Variants in DMD observed in about 807,000 individuals in gnomAD.
The protein encoded by DMD is dystrophin.
Under a neutral mutation model 330.1 loss-of-function variants are expected in DMD, and 63 were observed. The observed-to-expected ratio is 0.19, with a 90% CI of 0.16 to 0.24. The LOEUF (loss-of-function observed/expected upper bound fraction) is 0.24. DMD is among the 10% of genes least tolerant of loss of function. DMD has a pLI of 1.00. For synonymous variants in DMD, 1,223 were observed against 959.8 expected, an observed-to-expected ratio of 1.27 and a Z score of -5.07; for missense variants, 3,344 against 2,684.1, an observed-to-expected ratio of 1.25 and a Z score of -5.43.
intron 57 of DMD, among the ~76,000 whole-genome samples, chrX:31,480,554 TTGTGTGTGTGTGTGTGTGTGTG>T (rs60621342): frequency 1.1e-5 from 1 of 91,336 alleles, no homozygotes; most frequent in Non-Finnish European, 2.2e-5. Context: ...ATCTCCATGT[TTGTGTGTGTGTGTGTGTGTGTG>T]TGTGTGTGTG....
At chrX:32,940,527 T>G (rs755266504) in intron 2 of DMD, among the ~76,000 whole-genome samples, 2 of 111,627 alleles carry the variant, frequency 1.8e-5, no homozygotes, top group South Asian at 7.5e-4. Context: ...TGCAGCCATA[T>G]GATTTTCAAC....
At chrX:33,116,473 A>T (rs936961819) in intron 1 of DMD, among the ~76,000 whole-genome samples, 2 of 110,714 alleles carry the variant, frequency 1.8e-5, no homozygotes, top group East Asian at 5.7e-4. Flanking sequence ...CGACCACTGC[A>T]CTCCATCCTG....
chrX:33,217,804 T>C (rs2052085594), intron 1 of DMD, among the ~76,000 whole-genome samples: 1 of 111,477 alleles, frequency 9.0e-6, no homozygotes. Context: ...TCCTAAGACC[T>C]TAACAAACTC....
chrX:32,520,470 A>T (rs761984581), intron 17 of DMD, among the ~76,000 whole-genome samples: 1 of 111,951 alleles, frequency 8.9e-6, no homozygotes, highest in East Asian at 2.8e-4. Flanking sequence ...ATTTGCCAGT[A>T]TATTGGACAG....
At chrX:31,202,906 C>T (rs957318719) in intron 67 of DMD, among the ~76,000 whole-genome samples, 21 of 112,491 alleles carry the variant, frequency 1.9e-4, no homozygotes, top group African/African-American at 6.1e-4. Context: ...GGCAATCACA[C>T]GCCTGAGAAT....
chrX:33,064,910 A>C (rs2094632002), intron 1 of DMD, among the ~76,000 whole-genome samples: 1 of 111,434 alleles, frequency 9.0e-6, no homozygotes, highest in Admixed American at 9.7e-5. Context: ...ATAATAAAAT[A>C]AAATAAAATA....
At chrX:32,629,595 C>T (rs2058598803) in intron 11 of DMD, among the ~76,000 whole-genome samples, 1 of 110,008 alleles carries the variant, frequency 9.1e-6, no homozygotes, top group East Asian at 2.8e-4. Flanking sequence ...GTGGCCTTCT[C>T]TTCATTCTCT....
intron 1 of DMD, among the ~76,000 whole-genome samples, chrX:33,139,660 C>A (rs769070326): frequency 9.1e-6 from 1 of 109,455 alleles, no homozygotes; most frequent in African/African-American, 3.3e-5. Context: ...CATGTTCCTG[C>A]CCTGGCCACA....
At chrX:33,332,192 C>G (rs2054189859) in intron 1 of DMD, among the ~76,000 whole-genome samples, 1 of 111,157 alleles carries the variant, frequency 9.0e-6, no homozygotes, top group East Asian at 2.8e-4. Context: ...AAACATATAT[C>G]TGCACAGAGT....
At chrX:32,251,875 C>A (rs1320624237) in intron 43 of DMD, among the ~76,000 whole-genome samples, 1 of 110,349 alleles carries the variant, frequency 9.1e-6, no homozygotes, top group Non-Finnish European at 1.9e-5. Flanking sequence ...TCCCAGCTAC[C>A]CAGGAAGCTG....
chrX:31,471,505 G>A (rs905136895), intron 59 of DMD, among the ~76,000 whole-genome samples: 2 of 111,956 alleles, frequency 1.8e-5, no homozygotes, highest in Admixed American at 9.5e-5. Flanking sequence ...CCAGTGAGAT[G>A]AGCCGGGTAC....
At chrX:32,976,323 T>A (rs774633676) in intron 2 of DMD, among the ~76,000 whole-genome samples, 18 of 110,906 alleles carry the variant, frequency 1.6e-4, no homozygotes, top group Non-Finnish European at 3.0e-4. Context: ...ATTGTCCCCA[T>A]AACGGATGGA....
At chrX:31,295,293 C>G (rs769376887) in intron 62 of DMD, among the ~76,000 whole-genome samples, 6 of 111,363 alleles carry the variant, frequency 5.4e-5, no homozygotes, top group Non-Finnish European at 1.1e-4. Context: ...CCGCGCCCGG[C>G]CGTAGGTTTG....
Position 31,449,783 on chromosome X carries a change from T to TAGATAG in DMD, c.8938-5157_8938-5156insCTATCT, listed in dbSNP as rs1270288954. On this transcript the variant is annotated intron_variant, in intron 59 of 78. Transcript: ENST00000357033. ...GGTGTGATATATATATATATATATA[T>TAGATAG]ATATATATATATATAGATAGATAGA... Among the ~76,000 whole-genome samples the TAGATAG allele has an allele frequency of 2.8e-3, 251 of 90,945 alleles. 1 individual carries two copies. Among genetic ancestry groups the TAGATAG allele is most frequent in the African/African-American group, 3.5e-3 (83 of 23,431 alleles). The allele number at this position is 90,945 out of a possible 115,157, so 79.0% of individuals were successfully genotyped here. A position where few individuals can be genotyped will look rare whatever the true frequency, so the allele number is the denominator to read the frequency against.
intron 1 of DMD, among the ~76,000 whole-genome samples, chrX:33,221,588 T>C (rs1329400937): frequency 1.8e-5 from 2 of 110,814 alleles, no homozygotes; most frequent in African/African-American, 3.3e-5. Flanking sequence ...AAAGAGCTAT[T>C]TTTTCAAAAC....
chrX:32,744,207 T>G (rs1402636839), intron 7 of DMD, among the ~76,000 whole-genome samples: 1 of 110,637 alleles, frequency 9.0e-6, no homozygotes. Context: ...TTTTTTTTTT[T>G]GCCATTCCTC....
chrX:31,885,943 A>G (rs1256969884), intron 47 of DMD, among the ~76,000 whole-genome samples: 1 of 111,218 alleles, frequency 9.0e-6, no homozygotes, highest in East Asian at 2.8e-4. Flanking sequence ...TTAATCCAAA[A>G]TCATGTTTAA....
chrX:31,900,774 C>G (rs1046449613), intron 47 of DMD, among the ~76,000 whole-genome samples: 38 of 111,009 alleles, frequency 3.4e-4, no homozygotes, highest in Non-Finnish European at 3.8e-5. Flanking sequence ...TTTACATTCC[C>G]AGAGCAAGAA....
At chrX:33,311,641 A>G (rs2053850759) in intron 1 of DMD, among the ~76,000 whole-genome samples, 1 of 110,670 alleles carries the variant, frequency 9.0e-6, no homozygotes, top group Admixed American at 9.8e-5. Context: ...AGTACAAGGA[A>G]TTTCTTGAAA....
Sources: gnomAD v4.1 joint callset for allele counts (sites outside exome capture counted in the v4.1 genomes callset) on GRCh38, gnomAD v4.1.1 for gene constraint, MANE v1.5 for transcripts, NCBI Gene and HGNC (gene_info 2026-07-23, HGNC 2026-07-21) for gene names.